ZNF641: variants seen among roughly 807,000 people sequenced by gnomAD.
ZNF641 encodes zinc finger protein 641.
A neutral mutation model predicts 46.2 loss-of-function variants in ZNF641; 26 were observed. That is an observed-to-expected ratio of 0.56 (90% confidence interval 0.41 to 0.78). The LOEUF (loss-of-function observed/expected upper bound fraction) is 0.78. ZNF641 is among the 30% of genes least tolerant of loss of function. The probability of loss-of-function intolerance (pLI) is 0.00; values close to 1 mark genes in which losing one functional copy is unlikely to be tolerated. For synonymous variants in ZNF641, 163 were observed against 187.9 expected, an observed-to-expected ratio of 0.87 and a Z score of 1.09; for missense variants, 469 against 517.8, an observed-to-expected ratio of 0.91 and a Z score of 0.91.
In ZNF641 at chr12:48,342,032, G is replaced by A. The variant is rs1952731120; in HGVS notation, c.*941C>T. 1.0e-6 allele frequency: 1 copy of A among 985,466 alleles called. No homozygotes were observed. Among genetic ancestry groups the A allele is most frequent in the East Asian group, 1.1e-4 (1 of 8,808 alleles). The allele number at this position is 985,466 out of a possible 1,614,324, so 61.0% of individuals were successfully genotyped here. A position where few individuals can be genotyped will look rare whatever the true frequency, so the allele number is the denominator to read the frequency against. On this transcript the variant is annotated 3_prime_UTR_variant, in exon 6 of 6. Coordinates refer to ENST00000547026, the MANE Select transcript of ZNF641 (RefSeq NM_001172681.2). ...TTGTACAGTTTGCACATAGCATGCT[G>A]TCTTCAAAGACCCTGCACACAAATA...
chr12:48,350,788 C>G lies in ZNF641; in HGVS notation c.-28G>C. The G allele has an allele frequency of 2.0e-6, 2 of 981,946 alleles. No homozygotes were observed. The highest frequency in any genetic ancestry group is 9.4e-5 in the South Asian group (2 of 21,224). 60.8% of individuals were successfully genotyped at this position (981,946 alleles called of 1,614,324 possible). A position where few individuals can be genotyped will look rare whatever the true frequency, so the allele number is the denominator to read the frequency against. On this transcript the variant is annotated splice_region_variant and 5_prime_UTR_variant, in exon 1 of 6. Transcript: ENST00000547026. ...CCCTCCGGCCCGGCTCCACTCACCC[C>G]CGGTAGGCTTGGCCCGCGGCCCGGT...
downstream of ZNF641, among the ~76,000 whole-genome samples, chr12:48,334,698 T>C (rs867800221): frequency 2.4e-4 from 18 of 73,764 alleles, no homozygotes; most frequent in Admixed American, 9.1e-4. Flanking sequence ...ATTAGAATAA[T>C]CAAGTGCCTT....
chr12:48,347,471 G>A, intron 2 of ZNF641, 128 bp from the exon 3 acceptor site: 4 of 770,868 alleles, frequency 5.2e-6, no homozygotes, highest in South Asian at 2.2e-5. Context: ...AAACTCAAAT[G>A]CATAAATGTA....
chr12:48,340,684 G>A lies in ZNF641; in HGVS notation c.*2289C>T, dbSNP rs1373568848. On this transcript the variant is annotated 3_prime_UTR_variant, in exon 6 of 6. Coordinates refer to ENST00000547026, the MANE Select transcript of ZNF641 (RefSeq NM_001172681.2). ...GGCTTTGAACCTGCTAAATGTGTAT[G>A]GAAAACTGAGTGAATTACAAATGTC... 2.0e-6 allele frequency: 2 copies of A among 985,328 alleles called. No homozygotes were observed. Among genetic ancestry groups the A allele is most frequent in the Non-Finnish European group, 2.4e-6 (2 of 829,942 alleles). The allele number at this position is 985,328 out of a possible 1,614,324, so 61.0% of individuals were successfully genotyped here. A position where few individuals can be genotyped will look rare whatever the true frequency, so the allele number is the denominator to read the frequency against.
At chr12:48,350,266 C>T (rs138245471) in intron 1 of ZNF641, 3 of 1,422,442 alleles carry the variant, frequency 2.1e-6, no homozygotes, top group African/African-American at 1.4e-5. Context: ...AGAAAAGGGG[C>T]CATGTTATAA....
Position 48,340,367 on chromosome 12 carries a change from G to T in ZNF641, c.*2606C>A. Reference sequence around the variant, plus strand: ...ATGTTAACATGTAGTTATAAGGGGCGTGATCTAATAGTAAGGAATATCACT... The same window carrying T: ...ATGTTAACATGTAGTTATAAGGGGCTTGATCTAATAGTAAGGAATATCACT... On this transcript the variant is annotated 3_prime_UTR_variant, in exon 6 of 6. Transcript: ENST00000547026. The T allele has an allele frequency of 1.0e-6, 1 of 985,430 alleles. No individual in the cohort carries two copies. Among genetic ancestry groups the T allele is most frequent in the South Asian group, 4.7e-5 (1 of 21,290 alleles). The allele number at this position is 985,430 out of a possible 1,614,324, so 61.0% of individuals were successfully genotyped here.
At chr12:48,344,810 A>C in intron 4 of ZNF641, 98 bp from the exon 5 acceptor site, 1 of 727,738 alleles carries the variant, frequency 1.4e-6, no homozygotes, top group Non-Finnish European at 2.3e-6. Flanking sequence ...ATTGTTTGGA[A>C]CTCTAGACAA....
At chr12:48,346,423 C>T (rs1952873332) in intron 3 of ZNF641, among the ~76,000 whole-genome samples, 1 of 152,156 alleles carries the variant, frequency 6.6e-6, no homozygotes, top group African/African-American at 2.4e-5. Flanking sequence ...ACATGATAAA[C>T]ACTCTGGGGG....
intron 4 of ZNF641, 157 bp from the exon 5 acceptor site, chr12:48,344,869 C>A: frequency 1.7e-6 from 1 of 581,284 alleles, no homozygotes; most frequent in Non-Finnish European, 3.0e-6. Flanking sequence ...CTTCCCCCAC[C>A]CATTTCTGTT....
At position 48,343,094 on chromosome 12, in the gene ZNF641, G is replaced by A; in HGVS notation, c.1154C>T (p.Pro385Leu). The A allele has an allele frequency of 6.2e-7, 1 of 1,614,254 alleles. No homozygotes were observed. The highest frequency in any genetic ancestry group is 8.5e-7 in the Non-Finnish European group (1 of 1,180,038). The change falls in exon 6 of 6, where the codon CCC becomes CTC. Residue 385 changes from proline (P) to leucine (L), a missense_variant. Pro to Leu is a moderately conservative substitution (Grantham distance 98, BLOSUM62 -3). Around this residue, in one of 3 missense-constraint regions of ZNF641, gnomAD observed 346 missense variants for 354.0 expected, o/e 0.98. Coordinates refer to ENST00000547026, the MANE Select transcript of ZNF641 (RefSeq NM_001172681.2). ...CTTCTCACAGCGAGGGCACTGGAAG[G>A]GCTTCTCCCCAGTGTGGGTCAGCCA... ...RHWLTHTGEK[P>L]FQCPRCEKSF...
At position 48,339,370 on chromosome 12, in the gene ZNF641, A is replaced by C. The variant is rs1380674305; in HGVS notation, c.*3603T>G. On this transcript the variant is annotated 3_prime_UTR_variant, in exon 6 of 6. Transcript: ENST00000547026. ...ACATCCAGGAGGGCATTTAGTTAAA[A>C]GACTGAACGTTGAGCTCCTTCCCGA... 3.3e-5 allele frequency: 5 copies of C among 152,344 alleles called. No homozygotes were observed. The highest frequency in any genetic ancestry group is 9.6e-5 in the African/African-American group (4 of 41,578). 9.4% of individuals were successfully genotyped at this position (152,344 alleles called of 1,614,324 possible). A position where few individuals can be genotyped will look rare whatever the true frequency, so the allele number is the denominator to read the frequency against.
intron 1 of ZNF641, chr12:48,349,921 CAG>C: frequency 1.8e-6 from 2 of 1,133,512 alleles, no homozygotes; most frequent in South Asian, 1.3e-5. Flanking sequence ...CCCCAGGTAG[CAG>C]AGTCTCTTAA....
chr12:48,347,038 A>G, intron 3 of ZNF641: 1 of 918,968 alleles, frequency 1.1e-6, no homozygotes, highest in South Asian at 2.1e-5. Context: ...CAAAACTCAA[A>G]AAAACCCTAA....
At position 48,348,061 on chromosome 12, in the gene ZNF641, C is replaced by T; in HGVS notation, c.30G>A (p.Gly10=). 6.2e-7 allele frequency: 1 copy of T among 1,614,234 alleles called. No individual in the cohort carries two copies. Among genetic ancestry groups the T allele is most frequent in the South Asian group, 1.1e-5 (1 of 91,088 alleles). Residue 10 remains glycine (G), a synonymous_variant, in exon 2 of 6, where the codon GGG becomes GGA. Transcript: ENST00000547026. The stretch of plus-strand genomic sequence containing the variant: ...GTACATTCATTGATTCCCATCCTGT[C>T]CCCAGCGCTGCTGTCTGTTCTGAAA... MLSEQTAAL[G]TGWESMNVQL...
downstream of ZNF641, chr12:48,337,062 G>A (rs940263235): frequency 1.3e-5 from 2 of 152,244 alleles, no homozygotes; most frequent in African/African-American, 4.8e-5. Flanking sequence ...GCAGTGAGAC[G>A]AGTTCGTTCT....
In ZNF641 at chr12:48,343,073, T is replaced by A. The variant is rs1319440643; in HGVS notation, c.1175A>T (p.Glu392Val). 2 of 1,614,060 alleles carry A rather than the reference T, an allele frequency of 1.2e-6. No individual in the cohort carries two copies. The highest frequency in any genetic ancestry group is 1.7e-6 in the Non-Finnish European group (2 of 1,180,038). ...GTGATGTTTTCGGCCAAAGCTCTTC[T>A]CACAGCGAGGGCACTGGAAGGGCTT... Reference protein sequence around the residue: ...GEKPFQCPRCEKSFGRKHHLD... With the variant: ...GEKPFQCPRCVKSFGRKHHLD... The change falls in exon 6 of 6, where the codon GAG becomes GTG. Residue 392 changes from glutamate to valine, a missense_variant. Glu to Val is a moderately radical substitution (Grantham distance 121). Coordinates refer to ENST00000547026, the MANE Select transcript of ZNF641 (RefSeq NM_001172681.2).
In ZNF641 at chr12:48,345,427, C is replaced by T; in HGVS notation, c.324G>A (p.Glu108=). ...TCTGAGAGGGGTCCAGGCTCCGCCA[C>T]TCCTCCTGAGAGAAGCACAGTGACA... is the stretch of plus-strand genomic sequence containing the variant. The part of the protein sequence containing the change: ...KDVSLCFSQE[E]WRSLDPSQTD... Residue 108 remains glutamate (E), a synonymous_variant, in exon 4 of 6, where the codon GAG becomes GAA. Transcript: ENST00000547026. 1.2e-6 allele frequency: 2 copies of T among 1,614,240 alleles called. No homozygotes were observed. The highest frequency in any genetic ancestry group is 4.5e-5 in the East Asian group (2 of 44,888).
At chr12:48,351,139 C>T (rs1281515449), upstream of ZNF641, 1 of 152,250 alleles carries the variant, frequency 6.6e-6, no homozygotes, top group East Asian at 1.9e-4. Context: ...GCCCGAGACG[C>T]TTGGAGGGCG....
Position 48,341,052 on chromosome 12 carries a change from C to T in ZNF641, c.*1921G>A. On this transcript the variant is annotated 3_prime_UTR_variant, in exon 6 of 6. Coordinates refer to ENST00000547026, the MANE Select transcript of ZNF641 (RefSeq NM_001172681.2). ...CACAGTAGCAGAAGGGAGGCAGGGGCCAAGCTGTTCAAGTCACATAAACTC... is the reference window on the plus strand; with the variant it reads ...CACAGTAGCAGAAGGGAGGCAGGGGTCAAGCTGTTCAAGTCACATAAACTC... 1.0e-6 allele frequency: 1 copy of T among 985,486 alleles called. No homozygotes were observed. Among genetic ancestry groups the T allele is most frequent in the Non-Finnish European group, 1.2e-6 (1 of 829,982 alleles). 61.0% of individuals were successfully genotyped at this position (985,486 alleles called of 1,614,324 possible).
Sources: gnomAD v4.1 joint callset for allele counts (sites outside exome capture counted in the v4.1 genomes callset) on GRCh38, gnomAD v4.1.1 for gene constraint, gnomAD v4.1.1 regional missense constraint, MANE v1.5 for transcripts, NCBI Gene and HGNC (gene_info 2026-07-23, HGNC 2026-07-21) for gene names.